The following CADM2 variants were observed in gnomAD, a reference collection of about 807,000 sequenced individuals.
CADM2 encodes the protein cell adhesion molecule 2.
Under a neutral mutation model 49.8 loss-of-function variants are expected in CADM2, and 12 were observed. That is an observed-to-expected ratio of 0.24 (90% confidence interval 0.15 to 0.39). The LOEUF (loss-of-function observed/expected upper bound fraction) is 0.39, where lower values mean the gene tolerates loss of function less well. Ranked by LOEUF, CADM2 falls within the 10% of genes least tolerant of loss-of-function variation. CADM2 has a pLI of 1.00. For missense variants in CADM2, 378 were observed against 492.3 expected, an observed-to-expected ratio of 0.77 and a Z score of 2.20; for synonymous variants, 214 against 175.4, an observed-to-expected ratio of 1.22 and a Z score of -1.74.
intron 1 of CADM2, among the ~76,000 whole-genome samples, chr3:85,037,085 G>A (rs957360386): frequency 1.1e-4 from 17 of 151,892 alleles, no homozygotes; most frequent in East Asian, 7.8e-4. Context: ...CAGGAGAATC[G>A]CTTGAACCTG....
rs537622738 is a variant in CADM2, at chr3:85,553,620, A to G, written c.62-172902A>G. 8.5e-5 allele frequency among the ~76,000 whole-genome samples: 13 copies of G among 152,328 alleles called. 1 individual carries two copies. The highest frequency in any genetic ancestry group is 2.6e-4 in the African/African-American group (11 of 41,572). On this transcript the variant is annotated intron_variant, in intron 1 of 9. Transcript: ENST00000383699. ...CCGTGGTCCTCAAGCTTTGGTGTAC[A>G]TAAGACTCCAGGAAGAGTATTTTTG...
chr3:85,564,141 G>A (rs961139393), intron 1 of CADM2, among the ~76,000 whole-genome samples: 5 of 151,024 alleles, frequency 3.3e-5, no homozygotes, highest in African/African-American at 1.2e-4. Context: ...GAAAAATTTT[G>A]CAAGTAAATA....
At chr3:85,144,651 A>T (rs542163713) in intron 1 of CADM2, among the ~76,000 whole-genome samples, 1 of 149,608 alleles carries the variant, frequency 6.7e-6, no homozygotes, top group African/African-American at 2.5e-5. Context: ...AAAGAACAAG[A>T]TTTGTCAGAT....
At chr3:85,971,588 A>T (rs1185634634) in intron 8 of CADM2, among the ~76,000 whole-genome samples, 3 of 151,722 alleles carry the variant, frequency 2.0e-5, no homozygotes, top group Non-Finnish European at 4.4e-5. Context: ...ACATTTTCAC[A>T]GAACTTAAAG....
At chr3:85,797,101 AAAAG>A (rs2071673988) in intron 2 of CADM2, among the ~76,000 whole-genome samples, 1 of 151,872 alleles carries the variant, frequency 6.6e-6, no homozygotes, top group South Asian at 2.1e-4. Context: ...TAAAAAAAAA[AAAAG>A]AAAAAGAAAA....
At chr3:85,385,612 T>A (rs1039294207) in intron 1 of CADM2, 6 of 152,104 alleles carry the variant, frequency 3.9e-5, no homozygotes, top group Non-Finnish European at 8.8e-5. Context: ...GAGCAATTTA[T>A]TTGAGTGATC....
chr3:85,049,500 A>G lies in CADM2; in HGVS notation c.61+89832A>G, dbSNP rs552660358. On this transcript the variant is annotated intron_variant, in intron 1 of 9. Coordinates refer to ENST00000383699, the MANE Select transcript of CADM2 (RefSeq NM_001167675.2). Reference sequence around the variant, plus strand: ...CGAGTAACTGGGATTACAGGCTCACACCACCACACCCGGCTATTTCTTTGT... The same window carrying G: ...CGAGTAACTGGGATTACAGGCTCACGCCACCACACCCGGCTATTTCTTTGT... Among the ~76,000 whole-genome samples, 508 of 151,750 alleles carry G rather than the reference A, an allele frequency of 3.3e-3. 5 individuals are homozygous for G. Among genetic ancestry groups the G allele is most frequent in the Non-Finnish European group, 5.0e-3 (338 of 67,900 alleles).
At chr3:85,452,579 C>CAAA (rs958077661) in intron 1 of CADM2, among the ~76,000 whole-genome samples, 1 of 151,720 alleles carries the variant, frequency 6.6e-6, no homozygotes, top group South Asian at 2.1e-4. Context: ...ACAACAACAA[C>CAAA]AAAAAAGAGA....
At chr3:85,256,695 T>G (rs2042892597) in intron 1 of CADM2, among the ~76,000 whole-genome samples, 1 of 152,128 alleles carries the variant, frequency 6.6e-6, no homozygotes, top group South Asian at 2.1e-4. Context: ...TTTGTTAGAT[T>G]ATAAAGCCCT....
At chr3:85,388,910 T>G (rs1425234088) in intron 1 of CADM2, among the ~76,000 whole-genome samples, 1 of 152,110 alleles carries the variant, frequency 6.6e-6, no homozygotes, top group Non-Finnish European at 1.5e-5. Context: ...AAAGTTACCA[T>G]CTAAAAAACA....
intron 1 of CADM2, among the ~76,000 whole-genome samples, chr3:85,002,856 G>C (rs932113338): frequency 2.6e-5 from 4 of 152,088 alleles, no homozygotes; most frequent in Admixed American, 2.6e-4. Flanking sequence ...TGTGATCACA[G>C]CTCACTATAG....
At chr3:85,979,239 T>C in intron 8 of CADM2, 1 of 1,610,942 alleles carries the variant, frequency 6.2e-7, no homozygotes. Flanking sequence ...ACTGTAGCCA[T>C]AACAACCAGC....
chr3:85,874,566 A>G (rs973936259), intron 3 of CADM2, among the ~76,000 whole-genome samples: 8 of 152,122 alleles, frequency 5.3e-5, no homozygotes, highest in Admixed American at 5.2e-4. Flanking sequence ...CTATGAGGAG[A>G]CCAATATATT....
In CADM2 at chr3:85,416,262, T is replaced by A. The variant is rs950545174; in HGVS notation, c.62-310260T>A. Reference sequence around the variant, plus strand: ...ATTTACAGTAAGGACTGATATATTTTAAAATATCCTAATTACTGATCTCTC... The same window carrying A: ...ATTTACAGTAAGGACTGATATATTTAAAAATATCCTAATTACTGATCTCTC... On this transcript the variant is annotated intron_variant, in intron 1 of 9. Transcript: ENST00000383699. Among the ~76,000 whole-genome samples the A allele has an allele frequency of 2.6e-5, 4 of 152,120 alleles. No homozygotes were observed. In the East Asian group the frequency reaches 7.7e-4, roughly 29 times the overall value.
At chr3:85,853,867 A>G (rs1486726484) in intron 3 of CADM2, among the ~76,000 whole-genome samples, 1 of 152,166 alleles carries the variant, frequency 6.6e-6, no homozygotes, top group East Asian at 1.9e-4. Flanking sequence ...TTTCTGGGTC[A>G]TTACTAAAGG....
rs143513912 is a variant in CADM2, at chr3:85,927,246, T to C, written c.701-8521T>C. 2.3e-3 allele frequency among the ~76,000 whole-genome samples: 358 copies of C among 152,342 alleles called. 4 individuals carry two copies. Among genetic ancestry groups the C allele is most frequent in the African/African-American group, 8.4e-3 (349 of 41,596 alleles). On this transcript the variant is annotated intron_variant, in intron 6 of 9. Coordinates refer to ENST00000383699, the MANE Select transcript of CADM2 (RefSeq NM_001167675.2). ...ATTTCAAAAGACCATTATTCATTTATTTACTCAACAATTACTTAATTGAGG... is the reference window on the plus strand; with the variant it reads ...ATTTCAAAAGACCATTATTCATTTACTTACTCAACAATTACTTAATTGAGG...
At chr3:85,088,943 G>T (rs2037489255) in intron 1 of CADM2, among the ~76,000 whole-genome samples, 1 of 152,014 alleles carries the variant, frequency 6.6e-6, no homozygotes. Flanking sequence ...TATCAGATGT[G>T]TTTAGTAGGC....
intron 1 of CADM2, among the ~76,000 whole-genome samples, chr3:85,357,234 T>C (rs967098940): frequency 6.6e-6 from 1 of 152,096 alleles, no homozygotes; most frequent in East Asian, 1.9e-4. Context: ...ACTGTAGAAA[T>C]TGTCAGCAAG....
intron 1 of CADM2, among the ~76,000 whole-genome samples, chr3:85,103,033 G>A (rs73843292): frequency 2.9e-3 from 448 of 152,092 alleles, no homozygotes; most frequent in African/African-American, 9.4e-3. Flanking sequence ...TAATTCCCAA[G>A]GAAACAGAAC....
Sources: allele counts gnomAD v4.1 joint callset (sites outside exome capture counted in the v4.1 genomes callset), GRCh38; gene constraint gnomAD v4.1.1; transcripts MANE v1.5; gene names NCBI Gene and HGNC (gene_info 2026-07-23, HGNC 2026-07-21).